The following DMD variants were observed in gnomAD, a reference collection of about 807,000 sequenced individuals.
DMD encodes the protein mutant dystrophin.
DMD carries 63 observed loss-of-function variants against 330.1 expected under a neutral mutation model. That is an observed-to-expected ratio of 0.19 (90% CI 0.16 to 0.24). The LOEUF (loss-of-function observed/expected upper bound fraction) is 0.24. Among genes scored for constraint, DMD ranks in the 10% least tolerant of loss-of-function variants. The pLI is 1.00. For missense variants in DMD, 3,344 were observed against 2,684.1 expected, an observed-to-expected ratio of 1.25 and a Z score of -5.43; for synonymous variants, 1,223 against 959.8, an observed-to-expected ratio of 1.27 and a Z score of -5.07.
At chrX:31,131,524 C>T (rs2034498054) in intron 77 of DMD, among the ~76,000 whole-genome samples, 1 of 111,229 alleles carries the variant, frequency 9.0e-6, no homozygotes, top group African/African-American at 3.3e-5. Flanking sequence ...TATGGATAAC[C>T]ATCAAAACAG....
intron 44 of DMD, among the ~76,000 whole-genome samples, chrX:32,211,786 T>C (rs761175860): frequency 4.5e-5 from 5 of 112,106 alleles, no homozygotes; most frequent in Admixed American, 9.5e-5. Flanking sequence ...TTTAATATGG[T>C]TCATTCAGCA....
At chrX:33,013,844 C>T (rs111310055) in intron 2 of DMD, among the ~76,000 whole-genome samples, 15 of 111,640 alleles carry the variant, frequency 1.3e-4, no homozygotes, top group African/African-American at 3.9e-4. Flanking sequence ...TGCGCGCACG[C>T]GCGTGTGTGT....
chrX:32,785,260 T>G (rs2075251280), intron 7 of DMD, among the ~76,000 whole-genome samples: 1 of 110,477 alleles, frequency 9.1e-6, no homozygotes, highest in African/African-American at 3.3e-5. Context: ...AAAAGACACA[T>G]TAGCTAAAAC....
intron 1 of DMD, among the ~76,000 whole-genome samples, chrX:33,148,832 G>A (rs897430799): frequency 9.0e-6 from 1 of 111,702 alleles, no homozygotes; most frequent in Non-Finnish European, 1.9e-5. Context: ...ATCTCTCTAT[G>A]AGAGATAAAT....
At chrX:32,630,622 C>A (rs776518920) in intron 11 of DMD, among the ~76,000 whole-genome samples, 4 of 111,524 alleles carry the variant, frequency 3.6e-5, no homozygotes, top group Non-Finnish European at 7.5e-5. Context: ...GTCTCTGACG[C>A]ATTCTTCAGT....
chrX:33,163,883 C>T (rs931518977), intron 1 of DMD, among the ~76,000 whole-genome samples: 2 of 110,695 alleles, frequency 1.8e-5, no homozygotes, highest in Admixed American at 9.7e-5. Context: ...TACCCACAGC[C>T]AATCTGTTGC....
intron 2 of DMD, among the ~76,000 whole-genome samples, chrX:32,964,565 G>A (rs5971675): frequency 0.36 from 39,080 of 108,491 alleles, 6,139 homozygotes; most frequent in African/African-American, 0.6. Flanking sequence ...AAAATTAGCC[G>A]GGCGTGGTGG....
chrX:31,626,193 C>G (rs2078834391), intron 55 of DMD, among the ~76,000 whole-genome samples: 1 of 90,327 alleles, frequency 1.1e-5, no homozygotes, highest in Non-Finnish European at 2.2e-5. Context: ...CCATGTTGGC[C>G]AGGCTGGTCT....
At chrX:32,561,156 T>C (rs1291612045) in intron 16 of DMD, among the ~76,000 whole-genome samples, 1 of 111,563 alleles carries the variant, frequency 9.0e-6, no homozygotes, top group African/African-American at 3.3e-5. Context: ...CTGAGGCTAA[T>C]ATGGATGAAT....
At chrX:33,179,465 G>C (rs779091847) in intron 1 of DMD, among the ~76,000 whole-genome samples, 3 of 110,471 alleles carry the variant, frequency 2.7e-5, no homozygotes, top group Non-Finnish European at 5.7e-5. Flanking sequence ...AGGCCGAGGC[G>C]GGCGGATCAC....
intron 11 of DMD, 31 bp from the exon 12 acceptor site, chrX:32,614,484 T>A (rs1373522509): frequency 8.9e-7 from 1 of 1,128,011 alleles, no homozygotes; most frequent in East Asian, 3.0e-5. Flanking sequence ...TATTATGACC[T>A]CTTTGAAAGC....
intron 68 of DMD, among the ~76,000 whole-genome samples, chrX:31,182,083 C>G (rs1329634677): frequency 8.9e-6 from 1 of 112,604 alleles, no homozygotes; most frequent in Non-Finnish European, 1.9e-5. Context: ...CGTTTCCTAT[C>G]TCTTTCACTT....
At chrX:31,745,171 G>A (rs780154044) in intron 51 of DMD, among the ~76,000 whole-genome samples, 2 of 111,827 alleles carry the variant, frequency 1.8e-5, no homozygotes, top group South Asian at 7.5e-4. Context: ...GACCTAATGG[G>A]AGAAGGAATT....
chrX:31,293,204 A>AGAGT (rs775292688), intron 62 of DMD, among the ~76,000 whole-genome samples: 1 of 58,482 alleles, frequency 1.7e-5, no homozygotes, highest in Non-Finnish European at 3.2e-5. Context: ...AGTCTGGTTT[A>AGAGT]GTGTGTGTGT....
chrX:31,397,950 A>G (rs1290486396), intron 60 of DMD, among the ~76,000 whole-genome samples: 1 of 112,757 alleles, frequency 8.9e-6, no homozygotes, highest in Non-Finnish European at 1.9e-5. Flanking sequence ...AGTAACGGGT[A>G]AACACATAAA....
At chrX:32,569,878 T>C (rs1420275448) in intron 15 of DMD, among the ~76,000 whole-genome samples, 1 of 111,629 alleles carries the variant, frequency 9.0e-6, no homozygotes, top group Non-Finnish European at 1.9e-5. Flanking sequence ...ACAGGTTTCT[T>C]CTTGACTTGG....
At chrX:32,529,509 T>A (rs1484605035) in intron 17 of DMD, among the ~76,000 whole-genome samples, 1 of 95,054 alleles carries the variant, frequency 1.1e-5, no homozygotes, top group East Asian at 3.9e-4. Flanking sequence ...TTCTCGTGCC[T>A]CAGCCTCCCG....
chrX:33,193,235 A>G (rs1054955007), intron 1 of DMD, among the ~76,000 whole-genome samples: 1 of 111,431 alleles, frequency 9.0e-6, no homozygotes, highest in Non-Finnish European at 1.9e-5. Context: ...TGAACTCAGG[A>G]GGTGAAGGTT....
intron 2 of DMD, among the ~76,000 whole-genome samples, chrX:32,936,111 C>G (rs2089999668): frequency 2.8e-5 from 2 of 71,663 alleles, no homozygotes; most frequent in African/African-American, 1.0e-4. Flanking sequence ...TTACTTGTAT[C>G]TCTTTTTTTT....
Sources: allele counts gnomAD v4.1 joint callset (sites outside exome capture counted in the v4.1 genomes callset), GRCh38; gene constraint gnomAD v4.1.1; transcripts MANE v1.5; gene names NCBI Gene and HGNC (gene_info 2026-07-23, HGNC 2026-07-21).